NRXN1: variants seen among roughly 807,000 people sequenced by gnomAD.
NRXN1 encodes neurexin 1.
NRXN1 carries 39 observed loss-of-function variants against 150.9 expected under a neutral mutation model. The ratio of observed to expected loss-of-function variants is 0.26; its 90% CI spans 0.20 to 0.34. The LOEUF is 0.34. Ranked by LOEUF, NRXN1 falls within the 10% of genes least tolerant of loss-of-function variation. The probability of loss-of-function intolerance (pLI) is 1.00; values close to 1 mark genes in which losing one functional copy is unlikely to be tolerated. For missense variants in NRXN1, 1,815 were observed against 1,949.9 expected (o/e 0.93, Z 1.30); for synonymous variants, 924 against 757.0 (o/e 1.22, Z -3.62).
At chr2:50,484,374 T>G (rs548724216) in intron 15 of NRXN1, among the ~76,000 whole-genome samples, 4 of 152,226 alleles carry the variant, frequency 2.6e-5, no homozygotes, top group African/African-American at 9.6e-5. Flanking sequence ...TCCTAGTGCA[T>G]GTCTCCAAAC....
chr2:50,332,959 A>G (rs1323205627), intron 17 of NRXN1, among the ~76,000 whole-genome samples: 1 of 152,238 alleles, frequency 6.6e-6, no homozygotes, highest in African/African-American at 2.4e-5. Context: ...AATGTATTAA[A>G]AGTCAATCGA....
chr2:50,890,260 G>A (rs1680854734), intron 5 of NRXN1, among the ~76,000 whole-genome samples: 1 of 151,928 alleles, frequency 6.6e-6, no homozygotes, highest in Admixed American at 6.6e-5. Context: ...AAAAGGTGGT[G>A]AAGTGAGTGA....
chr2:50,431,482 G>C (rs1196337159), intron 17 of NRXN1, among the ~76,000 whole-genome samples: 1 of 152,174 alleles, frequency 6.6e-6, no homozygotes, highest in Non-Finnish European at 1.5e-5. Context: ...CAGCCTACAG[G>C]TTAAGCCTGC....
At chr2:50,046,759 C>A (rs13003633) in intron 21 of NRXN1, among the ~76,000 whole-genome samples, 1 of 151,824 alleles carries the variant, frequency 6.6e-6, no homozygotes, top group Non-Finnish European at 1.5e-5. Context: ...GAGTCAACGC[C>A]CTTGACCACT....
At chr2:50,363,238 A>C (rs1380127427) in intron 17 of NRXN1, among the ~76,000 whole-genome samples, 1 of 152,230 alleles carries the variant, frequency 6.6e-6, no homozygotes, top group East Asian at 1.9e-4. Context: ...AAAATTGACA[A>C]ATGGGTTCTG....
At chr2:50,756,863 T>C (rs1701208520) in intron 5 of NRXN1, among the ~76,000 whole-genome samples, 1 of 151,806 alleles carries the variant, frequency 6.6e-6, no homozygotes, top group Admixed American at 6.6e-5. Context: ...TGCATGTTCC[T>C]AAAAGAATCA....
At chr2:50,030,522 A>G (rs1338363980) in intron 21 of NRXN1, among the ~76,000 whole-genome samples, 1 of 152,146 alleles carries the variant, frequency 6.6e-6, no homozygotes, top group Non-Finnish European at 1.5e-5. Flanking sequence ...CAGGTGGCCT[A>G]TGATTCTCCT....
chr2:50,419,907 C>G (rs1360418724), intron 17 of NRXN1, among the ~76,000 whole-genome samples: 1 of 151,978 alleles, frequency 6.6e-6, no homozygotes, highest in African/African-American at 2.4e-5. Flanking sequence ...TCCACTGTAT[C>G]CCAGCTAATG....
intron 18 of NRXN1, among the ~76,000 whole-genome samples, chr2:50,173,437 A>C (rs1406506767): frequency 6.6e-6 from 1 of 152,186 alleles, no homozygotes; most frequent in African/African-American, 2.4e-5. Flanking sequence ...GATGACATAC[A>C]AGACTCCTAA....
chr2:50,652,362 G>C (rs886917801), intron 5 of NRXN1, among the ~76,000 whole-genome samples: 3 of 151,962 alleles, frequency 2.0e-5, no homozygotes, highest in Non-Finnish European at 4.4e-5. Flanking sequence ...GCACCAAAAA[G>C]AAACTTTGTG....
intron 2 of NRXN1, chr2:50,979,301 C>T (rs753716377): frequency 3.9e-6 from 2 of 517,094 alleles, no homozygotes; most frequent in African/African-American, 3.9e-5. Context: ...AACTTCCTCA[C>T]CCATGGACAA....
chr2:50,829,596 G>C (rs920006460), intron 5 of NRXN1: 2 of 1,612,002 alleles, frequency 1.2e-6, no homozygotes, highest in Admixed American at 1.7e-5. Context: ...GTCTGTGCTG[G>C]AGAGCCTTGA....
At chr2:50,718,656 T>C (rs1696183488) in intron 5 of NRXN1, among the ~76,000 whole-genome samples, 1 of 152,200 alleles carries the variant, frequency 6.6e-6, no homozygotes, top group South Asian at 2.1e-4. Flanking sequence ...AGAGCCCTTC[T>C]GCAGAGTTTC....
intron 17 of NRXN1, among the ~76,000 whole-genome samples, chr2:50,397,368 G>T (rs1829535): frequency 0.033 from 4,959 of 152,108 alleles, 194 homozygotes; most frequent in East Asian, 0.11. Flanking sequence ...TAAGGTTTCT[G>T]CTTGTTGTCA....
At chr2:50,077,392 C>G (rs1697275111) in intron 19 of NRXN1, among the ~76,000 whole-genome samples, 1 of 151,906 alleles carries the variant, frequency 6.6e-6, no homozygotes, top group South Asian at 2.1e-4. Flanking sequence ...AAGCACAGGC[C>G]TCATCTAATT....
At chr2:50,482,247 G>A (rs1185216747) in intron 15 of NRXN1, among the ~76,000 whole-genome samples, 2 of 152,180 alleles carry the variant, frequency 1.3e-5, no homozygotes, top group African/African-American at 4.8e-5. Flanking sequence ...TGCTATGGGA[G>A]CGTGTAGAGT....
intron 19 of NRXN1, among the ~76,000 whole-genome samples, chr2:50,087,234 G>A (rs1698915433): frequency 6.6e-6 from 1 of 151,310 alleles, no homozygotes; most frequent in African/African-American, 2.4e-5. Flanking sequence ...ACTTTTTTTT[G>A]CCTATCTCTG....
chr2:50,680,464 T>C (rs1017379759), intron 5 of NRXN1, among the ~76,000 whole-genome samples: 2 of 152,070 alleles, frequency 1.3e-5, no homozygotes, highest in Admixed American at 6.6e-5. Flanking sequence ...AAATGGACTA[T>C]AGATATAGGT....
In NRXN1 at chr2:51,028,237, G is replaced by A. The variant is rs201674835; in HGVS notation, c.37C>T (p.Leu13Phe). The A allele has an allele frequency of 6.9e-5, 102 of 1,471,656 alleles. No individual in the cohort carries two copies. The highest frequency in any genetic ancestry group is 6.0e-4 in the Admixed American group (24 of 40,220). 91.2% of individuals were successfully genotyped at this position (1,471,656 alleles called of 1,614,324 possible). A position where few individuals can be genotyped will look rare whatever the true frequency, so the allele number is the denominator to read the frequency against. ...AGGAGCAGCAGCGAGAGGCACAGAA[G>A]AAAACAGCCCCCGCGCTGGAGCAGC... ...TALLQRGGCF[L>F]LCLSLLLLGC... The change falls in exon 2 of 23, where the codon CTT becomes TTT. Residue 13 changes from leucine (L) to phenylalanine (F), a missense_variant. Coordinates refer to ENST00000401669, the MANE Select transcript of NRXN1 (RefSeq NM_001330078.2).
Sources: allele counts gnomAD v4.1 joint callset (sites outside exome capture counted in the v4.1 genomes callset), GRCh38; gene constraint gnomAD v4.1.1; transcripts MANE v1.5; gene names NCBI Gene and HGNC (gene_info 2026-07-23, HGNC 2026-07-21).